Variants in EFR3A observed in about 807,000 individuals in gnomAD.
EFR3A encodes the protein EFR3 homolog A.
In EFR3A, 76 loss-of-function variants were observed where a neutral mutation model predicts 104.4. The ratio of observed to expected loss-of-function variants is 0.73; its 90% CI spans 0.60 to 0.88. The LOEUF (loss-of-function observed/expected upper bound fraction) is 0.88, where lower values mean the gene tolerates loss of function less well. Ranked by LOEUF, EFR3A falls within the 40% of genes least tolerant of loss-of-function variation. The pLI, the probability that EFR3A is intolerant of heterozygous loss-of-function variation, is 0.00. For missense variants in EFR3A, 985 were observed against 1,012.5 expected, an observed-to-expected ratio of 0.97 and a Z score of 0.37; for synonymous variants, 330 against 330.0, an observed-to-expected ratio of 1.00 and a Z score of 0.00.
At chr8:131,965,991 C>G (rs994596883) in intron 8 of EFR3A, among the ~76,000 whole-genome samples, 59 of 152,088 alleles carry the variant, frequency 3.9e-4, no homozygotes, top group African/African-American at 1.4e-3. Flanking sequence ...TGTTCTCACT[C>G]ATAGGTGGGA....
intron 2 of EFR3A, 34 bp from the exon 3 acceptor site, chr8:131,944,711 A>T: frequency 2.0e-6 from 3 of 1,512,636 alleles, no homozygotes; most frequent in Non-Finnish European, 2.7e-6. Flanking sequence ...GCATGAAAAT[A>T]TAGATAATCT....
At chr8:131,998,392 C>T (rs915751089) in intron 19 of EFR3A, among the ~76,000 whole-genome samples, 2 of 151,604 alleles carry the variant, frequency 1.3e-5, no homozygotes, top group South Asian at 4.2e-4. Flanking sequence ...CCTAGTTTAT[C>T]CTGAGATGTA....
chr8:132,002,549 G>A (rs574199618), intron 20 of EFR3A, 54 bp from the exon 21 acceptor site: 2 of 1,430,714 alleles, frequency 1.4e-6, no homozygotes, highest in African/African-American at 1.4e-5. Context: ...TCATTGACTG[G>A]GTTCTGTGAA....
At position 131,968,328 on chromosome 8, in the gene EFR3A, C is replaced by G; in HGVS notation, c.889C>G (p.Leu297Val). The G allele has an allele frequency of 1.2e-6, 2 of 1,613,314 alleles. No individual in the cohort carries two copies. The highest frequency in any genetic ancestry group is 1.7e-6 in the Non-Finnish European group (2 of 1,179,520). The change falls in exon 9 of 23, where the codon CTA becomes GTA. Residue 297 changes from leucine (L) to valine (V), a missense_variant. Coordinates refer to ENST00000254624, the MANE Select transcript of EFR3A (RefSeq NM_015137.6). ...TTCTCACCATGTGATCCAGGAGATT[C>G]TAGGACACCTTGATGCTCGTAAAAA... is the stretch of plus-strand genomic sequence containing the variant. The part of the protein sequence containing the change: ...QYSHHVIQEI[L>V]GHLDARKKDA...
intron 1 of EFR3A, among the ~76,000 whole-genome samples, chr8:131,910,930 C>A (rs577084116): frequency 2.0e-4 from 31 of 152,158 alleles, no homozygotes; most frequent in South Asian, 1.2e-3. Context: ...ACAGAAAATC[C>A]CAATATGGCC....
Position 131,986,185 on chromosome 8 carries a change from A to AT in EFR3A, c.1870-3dup, listed in dbSNP as rs1360494856. 1.9e-6 allele frequency: 3 copies of AT among 1,543,612 alleles called. No individual in the cohort carries two copies. The highest frequency in any genetic ancestry group is 2.7e-6 in the Non-Finnish European group (3 of 1,122,948). On this transcript the variant is annotated splice_polypyrimidine_tract_variant and intron_variant, in intron 16 of 22. Transcript: ENST00000254624. ...TTTGATTTTTGTTCTGTTTTTGAAT[A>AT]TTTTTTAGGTTATTGAAATTCGAAC... is the stretch of plus-strand genomic sequence containing the variant.
At chr8:131,968,059 A>G (rs957706533) in intron 8 of EFR3A, among the ~76,000 whole-genome samples, 4 of 152,096 alleles carry the variant, frequency 2.6e-5, no homozygotes, top group African/African-American at 7.2e-5. Flanking sequence ...ATTGAATTTT[A>G]TTAAACATAG....
At chr8:131,956,915 T>C (rs926397386) in intron 7 of EFR3A, among the ~76,000 whole-genome samples, 2 of 152,174 alleles carry the variant, frequency 1.3e-5, no homozygotes, top group Non-Finnish European at 2.9e-5. Context: ...CTAGATGTGC[T>C]GACTTAACGT....
intron 8 of EFR3A, among the ~76,000 whole-genome samples, chr8:131,966,922 T>C (rs1274941670): frequency 6.6e-6 from 1 of 152,210 alleles, no homozygotes; most frequent in African/African-American, 2.4e-5. Flanking sequence ...CATGATATCA[T>C]TCTTGAGTTG....
chr8:131,960,589 CT>C (rs1035525705), intron 8 of EFR3A, among the ~76,000 whole-genome samples: 8 of 152,046 alleles, frequency 5.3e-5, no homozygotes, highest in Non-Finnish European at 8.8e-5. Context: ...CTTTGGATAG[CT>C]TTGAGTGTTT....
At chr8:131,955,946 G>C (rs374988898) in intron 7 of EFR3A, 41 bp downstream of exon 7, 70 of 1,603,926 alleles carry the variant, frequency 4.4e-5, no homozygotes, top group Non-Finnish European at 5.5e-5. Flanking sequence ...TGATTTTGCT[G>C]TATTAATTCT....
chr8:132,002,944 T>C (rs1821855899), intron 21 of EFR3A, among the ~76,000 whole-genome samples: 1 of 152,228 alleles, frequency 6.6e-6, no homozygotes, highest in African/African-American at 2.4e-5. Context: ...GTGATTGTTA[T>C]TGTTTTGATA....
intron 10 of EFR3A, 109 bp from the exon 11 acceptor site, chr8:131,975,918 G>T (rs549432900): frequency 3.1e-6 from 2 of 648,500 alleles, no homozygotes. Flanking sequence ...TTACAGACTT[G>T]TGAGGGATTG....
intron 6 of EFR3A, 68 bp from the exon 7 acceptor site, chr8:131,955,700 G>A: frequency 6.6e-7 from 1 of 1,504,694 alleles, no homozygotes; most frequent in East Asian, 2.3e-5. Context: ...AAAAAGTAAA[G>A]TATATTTTGT....
intron 11 of EFR3A, 68 bp downstream of exon 11, chr8:131,976,209 A>G: frequency 9.6e-7 from 1 of 1,039,670 alleles, no homozygotes; most frequent in Non-Finnish European, 1.4e-6. Flanking sequence ...AATCTAGAAA[A>G]TGTTAACGTT....
intron 8 of EFR3A, among the ~76,000 whole-genome samples, chr8:131,960,191 T>C (rs1439484043): frequency 1.3e-5 from 2 of 152,202 alleles, no homozygotes; most frequent in African/African-American, 4.8e-5. Context: ...TTTCTTGTCA[T>C]TTTATGTGGA....
At chr8:131,970,340 GAAAT>G (rs1451652732) in intron 9 of EFR3A, 132 bp from the exon 10 acceptor site, 1 of 820,782 alleles carries the variant, frequency 1.2e-6, no homozygotes, top group African/African-American at 1.8e-5. Flanking sequence ...TTAAAAAAAT[GAAAT>G]AGTTTATAAA....
intron 10 of EFR3A, among the ~76,000 whole-genome samples, chr8:131,973,191 C>T (rs1014597360): frequency 4.0e-5 from 6 of 151,678 alleles, no homozygotes; most frequent in African/African-American, 1.5e-4. Context: ...TAAACTCCAA[C>T]ATTACCATGG....
intron 14 of EFR3A, 97 bp downstream of exon 14, chr8:131,979,518 C>A: frequency 1.1e-6 from 1 of 898,066 alleles, no homozygotes. Flanking sequence ...GAAATTAAGC[C>A]ATAGAATTTT....
Sources: gnomAD v4.1 joint callset for allele counts (sites outside exome capture counted in the v4.1 genomes callset) on GRCh38, gnomAD v4.1.1 for gene constraint, MANE v1.5 for transcripts, NCBI Gene and HGNC (gene_info 2026-07-23, HGNC 2026-07-21) for gene names.